Variants in SLC25A26 observed in about 807,000 individuals in gnomAD.
SLC25A26 encodes the protein mitochondrial S-adenosylmethionine carrier protein.
In SLC25A26, 36 loss-of-function variants were observed where a neutral mutation model predicts 37.8. The ratio of observed to expected loss-of-function variants is 0.95; its 90% CI spans 0.73 to 1.26. The LOEUF is 1.26. Ranked by LOEUF, SLC25A26 falls within the 50% of genes most tolerant of loss-of-function variation. The probability of loss-of-function intolerance (pLI) is 0.00; values close to 1 mark genes in which losing one functional copy is unlikely to be tolerated. For missense variants in SLC25A26, 390 were observed against 331.1 expected, an observed-to-expected ratio of 1.18 and a Z score of -1.38; for synonymous variants, 129 against 122.5, an observed-to-expected ratio of 1.05 and a Z score of -0.35.
upstream of SLC25A26, among the ~76,000 whole-genome samples, chr3:66,218,445 C>T (rs1054885852): frequency 3.5e-4 from 53 of 152,132 alleles, no homozygotes; most frequent in Non-Finnish European, 6.0e-4. Context: ...CAACACTTGG[C>T]TTTTTAATTT....
intron 1 of SLC25A26, among the ~76,000 whole-genome samples, chr3:66,224,437 G>T (rs1553659728): frequency 6.6e-6 from 1 of 152,208 alleles, no homozygotes; most frequent in East Asian, 1.9e-4. Context: ...AAAACCATCA[G>T]ATCCTGTGAG....
chr3:66,307,974 G>A (rs1441814717), intron 5 of SLC25A26, among the ~76,000 whole-genome samples: 1 of 152,080 alleles, frequency 6.6e-6, no homozygotes, highest in Non-Finnish European at 1.5e-5. Context: ...GGATTGTCTT[G>A]GCTATACGGG....
At chr3:66,357,579 G>A (rs895000113) in intron 6 of SLC25A26, among the ~76,000 whole-genome samples, 10 of 151,604 alleles carry the variant, frequency 6.6e-5, no homozygotes, top group African/African-American at 9.7e-5. Flanking sequence ...CTTCACATTC[G>A]GGCCCCTTAA....
intron 5 of SLC25A26, among the ~76,000 whole-genome samples, chr3:66,279,293 T>G (rs747661580): frequency 1.3e-5 from 2 of 152,182 alleles, no homozygotes; most frequent in African/African-American, 4.8e-5. Context: ...TCACTGTGTT[T>G]GGGCTTCTAT....
chr3:66,314,977 T>G (rs2075492150), intron 5 of SLC25A26, among the ~76,000 whole-genome samples: 1 of 152,034 alleles, frequency 6.6e-6, no homozygotes, highest in Admixed American at 6.6e-5. Flanking sequence ...ATATCCCCTT[T>G]ATCACTTTTT....
chr3:66,208,870 GTATATATATATATATACACCTTTATA>G (rs2071221735), intron 1 of SLC25A26, among the ~76,000 whole-genome samples: 1 of 55,888 alleles, frequency 1.8e-5, no homozygotes, highest in African/African-American at 4.5e-5. Context: ...ATGGGTGTGT[GTATATATATATATATACACCTTTATA>G]TGGGTATATA....
At chr3:66,184,999 T>C (rs2070798221) in intron 1 of SLC25A26, among the ~76,000 whole-genome samples, 1 of 152,198 alleles carries the variant, frequency 6.6e-6, no homozygotes, top group Admixed American at 6.5e-5. Flanking sequence ...ATCTTAAACA[T>C]TTTAAAGTAT....
chr3:66,171,263 A>G (rs2070494755), intron 1 of SLC25A26, among the ~76,000 whole-genome samples: 1 of 152,124 alleles, frequency 6.6e-6, no homozygotes. Context: ...GTTTTTGTAA[A>G]AAATTTCTCT....
intron 3 of SLC25A26, among the ~76,000 whole-genome samples, chr3:66,245,282 T>C (rs1483282290): frequency 2.0e-5 from 3 of 148,782 alleles, no homozygotes; most frequent in Non-Finnish European, 4.5e-5. Flanking sequence ...ACCTCAAAAC[T>C]AATGCAGAGG....
chr3:66,285,259 A>T (rs1007521982), intron 5 of SLC25A26, among the ~76,000 whole-genome samples: 4 of 152,048 alleles, frequency 2.6e-5, no homozygotes, highest in African/African-American at 9.7e-5. Context: ...CACTTGTTAA[A>T]CATTATTATT....
At chr3:66,297,855 G>A (rs1161310893) in intron 5 of SLC25A26, among the ~76,000 whole-genome samples, 1 of 152,180 alleles carries the variant, frequency 6.6e-6, no homozygotes, top group Non-Finnish European at 1.5e-5. Context: ...GGGCTGTGCT[G>A]TGCCTTAGAT....
At chr3:66,195,636 G>C (rs2071033874) in intron 1 of SLC25A26, among the ~76,000 whole-genome samples, 1 of 152,198 alleles carries the variant, frequency 6.6e-6, no homozygotes, top group South Asian at 2.1e-4. Context: ...CACGCGCTCG[G>C]CGTCTCCATC....
chr3:66,331,562 A>G (rs1225274817), intron 5 of SLC25A26, among the ~76,000 whole-genome samples: 1 of 151,920 alleles, frequency 6.6e-6, no homozygotes, highest in Non-Finnish European at 1.5e-5. Context: ...TACTTTCTTC[A>G]TGTGTCATAT....
chr3:66,281,339 A>T (rs1297263376), intron 5 of SLC25A26, among the ~76,000 whole-genome samples: 1 of 152,220 alleles, frequency 6.6e-6, no homozygotes, highest in African/African-American at 2.4e-5. Flanking sequence ...GAGGCAATCT[A>T]TGCGGTAATA....
intron 3 of SLC25A26, among the ~76,000 whole-genome samples, chr3:66,260,266 C>T (rs2073473061): frequency 6.6e-6 from 1 of 152,096 alleles, no homozygotes; most frequent in Non-Finnish European, 1.5e-5. Context: ...GCCAGGGCAT[C>T]ATCTTAGTCT....
chr3:66,175,484 CA>C (rs1205548623), intron 1 of SLC25A26, among the ~76,000 whole-genome samples: 1 of 152,128 alleles, frequency 6.6e-6, no homozygotes, highest in Non-Finnish European at 1.5e-5. Context: ...CTCGGCCTCC[CA>C]AAGTGCTGGG....
chr3:66,270,355 G>C (rs146734174), intron 5 of SLC25A26, among the ~76,000 whole-genome samples: 1 of 152,218 alleles, frequency 6.6e-6, no homozygotes, highest in African/African-American at 2.4e-5. Flanking sequence ...TTGTTTTTCA[G>C]TTAAAATCCA....
intron 1 of SLC25A26, among the ~76,000 whole-genome samples, chr3:66,226,924 A>G (rs529035813): frequency 6.6e-6 from 1 of 152,242 alleles, no homozygotes; most frequent in South Asian, 2.1e-4. Context: ...TATTTAGTAC[A>G]CTGTAATTAA....
At chr3:66,375,809 G>C (rs1049508837) in intron 9 of SLC25A26, among the ~76,000 whole-genome samples, 1 of 151,960 alleles carries the variant, frequency 6.6e-6, no homozygotes, top group Admixed American at 6.6e-5. Context: ...TCCTTAGCCT[G>C]TGGATCAAGG....
Sources: allele counts gnomAD v4.1 joint callset (sites outside exome capture counted in the v4.1 genomes callset), GRCh38; gene constraint gnomAD v4.1.1; transcripts MANE v1.5; gene names NCBI Gene and HGNC (gene_info 2026-07-23, HGNC 2026-07-21).